Variants in HDAC9 observed in about 807,000 individuals in gnomAD.
The protein encoded by HDAC9 is MEF-2 interacting transcription repressor (MITR) protein.
A neutral mutation model predicts 139.4 loss-of-function variants in HDAC9; 41 were observed. The ratio of observed to expected loss-of-function variants is 0.29; its 90% CI spans 0.23 to 0.38. HDAC9 has a LOEUF of 0.38. Ranked by LOEUF, HDAC9 falls within the 10% of genes least tolerant of loss-of-function variation. The probability of loss-of-function intolerance (pLI) is 1.00; values close to 1 mark genes in which losing one functional copy is unlikely to be tolerated. For synonymous variants in HDAC9, 517 were observed against 476.2 expected, an observed-to-expected ratio of 1.09 and a Z score of -1.12; for missense variants, 1,147 against 1,297.0, an observed-to-expected ratio of 0.88 and a Z score of 1.78.
chr7:18,530,719 G>T (rs1808629343), intron 2 of HDAC9, among the ~76,000 whole-genome samples: 1 of 151,548 alleles, frequency 6.6e-6, no homozygotes, highest in African/African-American at 2.4e-5. Context: ...ATTTCCCCCA[G>T]TGTCACAGTC....
At chr7:18,435,962 A>T (rs1452511861) in intron 1 of HDAC9, among the ~76,000 whole-genome samples, 1 of 149,132 alleles carries the variant, frequency 6.7e-6, no homozygotes, top group African/African-American at 2.4e-5. Context: ...TATATAAAGT[A>T]TACATATATA....
At chr7:18,370,359 C>T (rs924509012) in intron 1 of HDAC9, among the ~76,000 whole-genome samples, 2 of 152,034 alleles carry the variant, frequency 1.3e-5, no homozygotes, top group Non-Finnish European at 2.9e-5. Flanking sequence ...TGATGGTATA[C>T]GACATTGCTG....
chr7:18,675,219 C>G (rs1304388473), intron 12 of HDAC9, among the ~76,000 whole-genome samples: 6 of 151,962 alleles, frequency 3.9e-5, no homozygotes, highest in Non-Finnish European at 7.4e-5. Context: ...ATGTATGCAT[C>G]AAAAACAGTG....
chr7:18,697,574 C>A (rs1178101), intron 12 of HDAC9, among the ~76,000 whole-genome samples: 22,884 of 152,086 alleles, frequency 0.15, 2,006 homozygotes, highest in East Asian at 0.29. Context: ...TGTCCCACTC[C>A]CTTTTCAACT....
At chr7:18,445,442 A>C (rs1792199403) in intron 1 of HDAC9, among the ~76,000 whole-genome samples, 4 of 152,214 alleles carry the variant, frequency 2.6e-5, no homozygotes, top group Admixed American at 2.6e-4. Context: ...CTCATTAAAT[A>C]ATATCCCTAA....
intron 1 of HDAC9, among the ~76,000 whole-genome samples, chr7:18,344,422 G>A (rs951707993): frequency 2.0e-5 from 3 of 151,886 alleles, no homozygotes; most frequent in Admixed American, 6.6e-5. Context: ...TGGCCAAGTA[G>A]CACAGAAAGA....
At chr7:18,634,093 C>G (rs1296166974) in intron 7 of HDAC9, among the ~76,000 whole-genome samples, 1 of 152,044 alleles carries the variant, frequency 6.6e-6, no homozygotes, top group East Asian at 1.9e-4. Flanking sequence ...ATTTTACATT[C>G]TATTGTATTT....
intron 22 of HDAC9, among the ~76,000 whole-genome samples, chr7:18,900,784 A>G (rs1054725354): frequency 6.6e-6 from 1 of 152,136 alleles, no homozygotes; most frequent in Non-Finnish European, 1.5e-5. Flanking sequence ...ACATAAAGCA[A>G]TAAGAAGTAC....
chr7:18,755,860 A>G (rs1584981003), intron 14 of HDAC9, among the ~76,000 whole-genome samples: 2 of 152,314 alleles, frequency 1.3e-5, no homozygotes, highest in African/African-American at 4.8e-5. Context: ...ATTAAGACAC[A>G]TGAAAGGCAC....
At chr7:18,907,776 G>A (rs922160697) in intron 22 of HDAC9, among the ~76,000 whole-genome samples, 3 of 152,146 alleles carry the variant, frequency 2.0e-5, no homozygotes, top group Non-Finnish European at 4.4e-5. Flanking sequence ...ACTTTTGTTA[G>A]GGTAGTGACA....
chr7:18,931,769 C>T (rs1804763397), intron 22 of HDAC9, among the ~76,000 whole-genome samples: 1 of 152,038 alleles, frequency 6.6e-6, no homozygotes, highest in Admixed American at 6.6e-5. Flanking sequence ...TGAATACATC[C>T]TGAGAATTTA....
intron 2 of HDAC9, among the ~76,000 whole-genome samples, chr7:18,550,764 G>A (rs983638886): frequency 2.0e-5 from 3 of 152,212 alleles, no homozygotes; most frequent in African/African-American, 7.2e-5. Flanking sequence ...AGGGAGATCA[G>A]AGTGGCTGGA....
intron 15 of HDAC9, among the ~76,000 whole-genome samples, chr7:18,765,075 T>C (rs995912471): frequency 4.6e-5 from 7 of 152,152 alleles, no homozygotes; most frequent in African/African-American, 1.4e-4. Context: ...CAGTTTCCAG[T>C]CGTCTTGAGG....
At chr7:18,664,092 T>C (rs934109708) in intron 11 of HDAC9, among the ~76,000 whole-genome samples, 2 of 152,176 alleles carry the variant, frequency 1.3e-5, no homozygotes, top group Admixed American at 1.3e-4. Context: ...AATTTAGGAC[T>C]ATAATATGGT....
chr7:18,982,407 G>T (rs773041142), intron 25 of HDAC9, among the ~76,000 whole-genome samples: 5 of 152,004 alleles, frequency 3.3e-5, no homozygotes, highest in Admixed American at 6.6e-5. Flanking sequence ...TGTATTAGTA[G>T]ACTCATACCT....
At chr7:18,761,074 C>G (rs17139842) in intron 14 of HDAC9, among the ~76,000 whole-genome samples, 21,271 of 152,232 alleles carry the variant, frequency 0.14, 2,058 homozygotes, top group East Asian at 0.4. Context: ...TAACTTACAG[C>G]TGCCTTGTGG....
intron 12 of HDAC9, among the ~76,000 whole-genome samples, chr7:18,714,275 G>C (rs1168618921): frequency 6.6e-6 from 1 of 152,142 alleles, no homozygotes; most frequent in East Asian, 1.9e-4. Flanking sequence ...CAAAACATAG[G>C]TTATTTTTCT....
At chr7:18,232,891 C>G (rs929602485) in intron 2 of HDAC9, among the ~76,000 whole-genome samples, 4 of 152,212 alleles carry the variant, frequency 2.6e-5, no homozygotes, top group African/African-American at 9.6e-5. Flanking sequence ...CCTTTCTAAT[C>G]TGCTATCCAT....
intron 10 of HDAC9, 142 bp from the exon 11 acceptor site, chr7:18,648,324 C>T (rs1788072767): frequency 1.4e-6 from 1 of 706,406 alleles, no homozygotes; most frequent in Non-Finnish European, 2.3e-6. Flanking sequence ...CTGGTAGCAT[C>T]ACTAATTCAC....
Sources: gnomAD v4.1 joint callset for allele counts (sites outside exome capture counted in the v4.1 genomes callset) on GRCh38, gnomAD v4.1.1 for gene constraint, MANE v1.5 for transcripts, NCBI Gene and HGNC (gene_info 2026-07-23, HGNC 2026-07-21) for gene names.